Variants in DUSP15 observed in about 807,000 individuals in gnomAD.
DUSP15 encodes the protein dual specificity phosphatase 15.
Under a neutral mutation model 26.3 loss-of-function variants are expected in DUSP15, and 23 were observed. The observed-to-expected ratio is 0.87, with a 90% CI of 0.63 to 1.24. DUSP15 has a LOEUF of 1.24. Ranked by LOEUF, DUSP15 falls within the 50% of genes most tolerant of loss-of-function variation. The pLI, the probability that DUSP15 is intolerant of heterozygous loss-of-function variation, is 0.00. For synonymous variants in DUSP15, 143 were observed against 135.5 expected (o/e 1.06, Z -0.39); for missense variants, 364 against 320.6 (o/e 1.14, Z -1.03).
At chr20:31,851,362 A>G (rs557992324) in intron 6 of DUSP15, among the ~76,000 whole-genome samples, 1 of 152,098 alleles carries the variant, frequency 6.6e-6, no homozygotes, top group East Asian at 1.9e-4. Flanking sequence ...GGGGTGATAC[A>G]GACAGAATGA....
At position 31,848,888 on chromosome 20, in the gene DUSP15, G is replaced by A. The variant is rs2062414426; in HGVS notation, c.644C>T (p.Pro215Leu). The change falls in exon 9 of 10, where the codon CCA becomes CTA. Residue 215 changes from proline (P) to leucine (L), a missense_variant. Physicochemically the swap from Pro to Leu is moderately conservative, Grantham distance 98. Coordinates refer to the DUSP15 transcript ENST00000278979. ...GAAGCACAGACAGATCTGGTACTTT[G>A]GGTCCGGTGACCATCCTGCAGGTGG... is the stretch of plus-strand genomic sequence containing the variant. 4 of 1,611,878 alleles carry A rather than the reference G, an allele frequency of 2.5e-6. No individual in the cohort carries two copies. The East Asian group carries it at 8.9e-5, about 36-fold the overall frequency.
exon 10 of DUSP15, chr20:31,848,306 G>C: frequency 7.3e-7 from 1 of 1,378,260 alleles, no homozygotes; most frequent in Non-Finnish European, 9.8e-7. Flanking sequence ...CTGCCGTCCG[G>C]CAGACCTGGG....
At position 31,862,317 on chromosome 20, in the gene DUSP15, G is replaced by A. The variant is rs112160047; in HGVS notation, c.435+254C>T. Among the ~76,000 whole-genome samples the A allele has an allele frequency of 4.0e-4, 61 of 152,242 alleles. 1 individual carries two copies. Among genetic ancestry groups the A allele is most frequent in the Non-Finnish European group, 6.6e-4 (45 of 68,022 alleles). Reference sequence around the variant, plus strand: ...GCCAGGTAGGGCAGGCAGTGGGGAGGGCTGGAAGACCTGGTCAAATGGAAG... The same window carrying A: ...GCCAGGTAGGGCAGGCAGTGGGGAGAGCTGGAAGACCTGGTCAAATGGAAG... On this transcript the variant is annotated intron_variant, in intron 6 of 6. Transcript: ENST00000339738.
upstream of DUSP15, chr20:31,870,638 T>C: frequency 7.6e-7 from 1 of 1,310,216 alleles, no homozygotes; most frequent in Non-Finnish European, 9.7e-7. The surrounding 1 kb of genome is among the most constrained non-coding windows in gnomAD (Gnocchi z 6.6). Flanking sequence ...AGCCCCAGTG[T>C]GCCGGGCCCA....
intron 2 of DUSP15, among the ~76,000 whole-genome samples, chr20:31,867,629 ATGTTTTTTTT>A (rs2062796867): frequency 9.3e-6 from 1 of 107,812 alleles, no homozygotes; most frequent in South Asian, 3.0e-4. Flanking sequence ...GATGCCCACA[ATGTTTTTTTT>A]TTTTTTTTTT....
intron 5 of DUSP15, among the ~76,000 whole-genome samples, chr20:31,863,364 G>A (rs889096000): frequency 6.6e-6 from 1 of 151,882 alleles, no homozygotes; most frequent in Non-Finnish European, 1.5e-5. Flanking sequence ...AGGAGGGAGA[G>A]GGTGGGAAAT....
At position 31,862,712 on chromosome 20, in the gene DUSP15, A is replaced by G; in HGVS notation, c.294T>C (p.Ile98=). 1 of 1,612,060 alleles carries G rather than the reference A, an allele frequency of 6.2e-7. No individual in the cohort carries two copies. Among genetic ancestry groups the G allele is most frequent in the South Asian group, 1.1e-5 (1 of 90,982 alleles). ...TCACAGTCATCACATACGCTGTCAC[A>G]ATCGTGGTGCTGCGAGAGATGCCTG... is the stretch of plus-strand genomic sequence containing the variant. ...CFAGISRSTT[I]VTAYVMTVTG... Residue 98 remains isoleucine, a synonymous_variant, in exon 6 of 7, where the codon ATT becomes ATC. Coordinates refer to ENST00000339738, the MANE Select transcript of DUSP15 (RefSeq NM_080611.5).
At chr20:31,862,359 A>C (rs971721500) in intron 6 of DUSP15, among the ~76,000 whole-genome samples, 3 of 152,188 alleles carry the variant, frequency 2.0e-5, no homozygotes, top group Admixed American at 6.5e-5. Flanking sequence ...CACTGATCTA[A>C]AGGCATTCAA....
At chr20:31,850,815 A>C in intron 6 of DUSP15, 1 of 885,874 alleles carries the variant, frequency 1.1e-6, no homozygotes, top group Non-Finnish European at 1.8e-6. Context: ...CTGGAGGAGG[A>C]TGGGTGGTAG....
chr20:31,861,118 C>G lies in DUSP15; in HGVS notation c.*285G>C. 7.7e-7 allele frequency: 1 copy of G among 1,305,846 alleles called. No homozygotes were observed. The highest frequency in any genetic ancestry group is 1.6e-5 in the African/African-American group (1 of 64,412). The allele number at this position is 1,305,846 out of a possible 1,614,324, so 80.9% of individuals were successfully genotyped here. ...TAATACCCTCCAGGCCCGTCAAACC[C>G]TCCACTCTCCCTCCCTCCCCTCCCG... On this transcript the variant is annotated 3_prime_UTR_variant, in exon 7 of 7. Coordinates refer to ENST00000339738, the MANE Select transcript of DUSP15 (RefSeq NM_080611.5).
chr20:31,864,648 C>T (rs2062728842), intron 4 of DUSP15, among the ~76,000 whole-genome samples: 1 of 152,208 alleles, frequency 6.6e-6, no homozygotes, highest in Admixed American at 6.5e-5. Context: ...ATGTCTTAAC[C>T]CCAAGGCCAG....
At chr20:31,853,578 T>C (rs894704645) in intron 6 of DUSP15, among the ~76,000 whole-genome samples, 2 of 151,734 alleles carry the variant, frequency 1.3e-5, no homozygotes, top group Non-Finnish European at 2.9e-5. Flanking sequence ...TCCTAGCTAC[T>C]TGGGAGAGTG....
intron 2 of DUSP15, among the ~76,000 whole-genome samples, chr20:31,868,955 C>A (rs1160147684): frequency 1.3e-5 from 2 of 152,190 alleles, no homozygotes; most frequent in Non-Finnish European, 2.9e-5. Flanking sequence ...GCAAAGCTTG[C>A]CGGCTCACCG....
intron 6 of DUSP15, 91 bp from the exon 7 acceptor site, chr20:31,861,766 C>T (rs917252379): frequency 8.2e-6 from 9 of 1,102,322 alleles, no homozygotes; most frequent in Middle Eastern, 3.1e-4. Context: ...CGACCTTCGC[C>T]CTTCTCCGAG....
chr20:31,861,438 G>A lies in DUSP15; in HGVS notation c.673C>T (p.Leu225Phe), dbSNP rs1048824993. ...LARVKQTFSCLPRCLSRKGGK is the reference protein window; with the variant it reads ...LARVKQTFSCFPRCLSRKGGK ...CCCTTGCGGGACAGACACCGGGGGAGGCAAGAGAAAGTCTGCTTGACGCGC... is the reference window on the plus strand; with the variant it reads ...CCCTTGCGGGACAGACACCGGGGGAAGCAAGAGAAAGTCTGCTTGACGCGC... Residue 225 changes from leucine to phenylalanine, a missense_variant, in exon 7 of 7, where the codon CTC becomes TTC. Leu to Phe is a conservative substitution (Grantham distance 22). Transcript: ENST00000339738. 1 of 1,561,338 alleles carries A rather than the reference G, an allele frequency of 6.4e-7. No homozygotes were observed. The highest frequency in any genetic ancestry group is 8.6e-7 in the Non-Finnish European group (1 of 1,164,138).
At chr20:31,845,700 C>A, downstream of DUSP15, 1 of 832,712 alleles carries the variant, frequency 1.2e-6, no homozygotes, top group Non-Finnish European at 1.8e-6. Context: ...CCATCCTCCC[C>A]TCCTCCCTCG....
exon 7 of DUSP15, chr20:31,850,646 C>G (rs1232051175): frequency 8.7e-6 from 14 of 1,611,932 alleles, no homozygotes; most frequent in Non-Finnish European, 1.2e-5. Context: ...CATTGGGCAC[C>G]AGAGGTTTTT....
chr20:31,867,610 A>G (rs1016294898), intron 2 of DUSP15, among the ~76,000 whole-genome samples: 7 of 135,664 alleles, frequency 5.2e-5, no homozygotes, highest in African/African-American at 8.4e-5. Flanking sequence ...CTATATGCTG[A>G]TGTGCAATGA....
chr20:31,846,834 A>G (rs1366227025), downstream of DUSP15, among the ~76,000 whole-genome samples: 1 of 152,178 alleles, frequency 6.6e-6, no homozygotes, highest in Non-Finnish European at 1.5e-5. Context: ...CATCTCTAAC[A>G]TGGAGCTGGT....
Sources: gnomAD v4.1 joint callset for allele counts (sites outside exome capture counted in the v4.1 genomes callset) on GRCh38, gnomAD v4.1.1 for gene constraint, Gnocchi (gnomAD v3.1) non-coding constraint, MANE v1.5 for transcripts, NCBI Gene and HGNC (gene_info 2026-07-23, HGNC 2026-07-21) for gene names.